RBMS3: variants seen among roughly 807,000 people sequenced by gnomAD.
The protein encoded by RBMS3 is RNA-binding motif, single-stranded-interacting protein 3.
Under a neutral mutation model 66.8 loss-of-function variants are expected in RBMS3, and 27 were observed. The observed-to-expected ratio is 0.40, with a 90% confidence interval of 0.30 to 0.56. RBMS3 has a LOEUF of 0.56. Ranked by LOEUF, RBMS3 falls within the 20% of genes least tolerant of loss-of-function variation. RBMS3 has a pLI of 0.40. For missense variants in RBMS3, 513 were observed against 549.5 expected (o/e 0.93, Z 0.66); for synonymous variants, 188 against 183.0 (o/e 1.03, Z -0.22).
chr3:29,593,715 G>GA (rs1216745428), intron 4 of RBMS3, among the ~76,000 whole-genome samples: 1 of 152,176 alleles, frequency 6.6e-6, no homozygotes, highest in Non-Finnish European at 1.5e-5. Flanking sequence ...ACTGAAGCAG[G>GA]AATCTCTCAT....
At chr3:29,781,704 C>T (rs1282880667) in intron 6 of RBMS3, among the ~76,000 whole-genome samples, 2 of 152,028 alleles carry the variant, frequency 1.3e-5, no homozygotes. Context: ...AGTCTGCTTG[C>T]TTTCTCAGTG....
intron 2 of RBMS3, among the ~76,000 whole-genome samples, chr3:29,440,198 G>GA (rs1250124115): frequency 2.0e-5 from 3 of 151,884 alleles, no homozygotes; most frequent in Non-Finnish European, 2.9e-5. Context: ...ATTTACAATG[G>GA]AAAAAAATCA....
intron 6 of RBMS3, among the ~76,000 whole-genome samples, chr3:29,768,259 A>G (rs926756629): frequency 2.0e-5 from 3 of 151,934 alleles, no homozygotes; most frequent in Non-Finnish European, 2.9e-5. Flanking sequence ...ATCATGGTCA[A>G]TGGAGTCTGA....
Position 29,587,129 on chromosome 3 carries a change from A to C in RBMS3, c.323A>C (p.Asp108Ala), listed in dbSNP as rs760978323. Reference sequence around the variant, plus strand: ...GTTTTCACAGGTTATGGTTTTGTAGATTTTGACAGTCCTGCAGCCGCACAG... The same window carrying C: ...GTTTTCACAGGTTATGGTTTTGTAGCTTTTGACAGTCCTGCAGCCGCACAG... ...TNQCKGYGFV[D>A]FDSPAAAQKA... The change falls in exon 4 of 15, where the codon GAT becomes GCT. Residue 108 changes from aspartate to alanine, a missense_variant. Physicochemically the swap from Asp to Ala is moderately radical, Grantham distance 126. Transcript: ENST00000383767. The C allele has an allele frequency of 6.2e-7, 1 of 1,604,972 alleles. No homozygotes were observed.
intron 13 of RBMS3, 103 bp downstream of exon 13, chr3:29,988,326 G>A: frequency 2.2e-6 from 2 of 898,900 alleles, no homozygotes; most frequent in Admixed American, 2.3e-5. Context: ...CAATTTTTGT[G>A]CTACTCTAAA....
intron 4 of RBMS3, among the ~76,000 whole-genome samples, chr3:29,675,807 G>A (rs1576496320): frequency 6.6e-6 from 1 of 151,262 alleles, no homozygotes; most frequent in Non-Finnish European, 1.5e-5. Context: ...TGGAGAAATA[G>A]CACTTTTACA....
intron 4 of RBMS3, among the ~76,000 whole-genome samples, chr3:29,693,798 TG>T (rs762504858): frequency 3.3e-5 from 5 of 152,226 alleles, no homozygotes; most frequent in Non-Finnish European, 7.3e-5. Flanking sequence ...GATTGATTTT[TG>T]TTCATCCTAA....
chr3:29,285,239 G>C (rs564958324), intron 1 of RBMS3, among the ~76,000 whole-genome samples: 6 of 136,202 alleles, frequency 4.4e-5, no homozygotes, highest in African/African-American at 1.6e-4. Context: ...GGGGTGGGGT[G>C]GGGGTGGGGG....
chr3:29,770,018 C>G (rs2056127099), intron 6 of RBMS3, among the ~76,000 whole-genome samples: 1 of 152,026 alleles, frequency 6.6e-6, no homozygotes, highest in East Asian at 1.9e-4. Flanking sequence ...TTTTCTAAGA[C>G]TGCTTTTCAA....
intron 1 of RBMS3, among the ~76,000 whole-genome samples, chr3:29,326,766 G>C (rs56059230): frequency 0.044 from 6,516 of 147,562 alleles, 185 homozygotes; most frequent in South Asian, 0.076. Flanking sequence ...GAGTCTCGCT[G>C]TGTCGCCAGG....
chr3:29,469,665 A>G (rs2042654627), intron 2 of RBMS3, among the ~76,000 whole-genome samples: 1 of 77,370 alleles, frequency 1.3e-5, no homozygotes, highest in Non-Finnish European at 2.5e-5. Context: ...AAACTAAACC[A>G]TATATATATA....
rs545132558 is a variant in RBMS3 at position 29,395,520 on chromosome 3, A to T, written c.76-39223A>T. The stretch of plus-strand genomic sequence containing the variant: ...TGCCAAAATGCTCTTAATGCTGGAG[A>T]GTGCTATGATGCTTCTCCATCATTG... On this transcript the variant is annotated intron_variant, in intron 1 of 14. Transcript: ENST00000383767. Among the ~76,000 whole-genome samples the T allele has an allele frequency of 5.3e-5, 8 of 152,320 alleles. No homozygotes were observed. The East Asian group carries it at 1.5e-3, about 29-fold the overall frequency.
chr3:29,775,203 A>T (rs1167040479), intron 6 of RBMS3, among the ~76,000 whole-genome samples: 1 of 151,774 alleles, frequency 6.6e-6, no homozygotes, highest in African/African-American at 2.4e-5. Flanking sequence ...TGGAGCAATT[A>T]AAAAATAAAT....
intron 3 of RBMS3, among the ~76,000 whole-genome samples, chr3:29,530,194 G>A (rs2045297402): frequency 6.6e-6 from 1 of 152,132 alleles, no homozygotes; most frequent in African/African-American, 2.4e-5. Flanking sequence ...TAGGCTGTTT[G>A]TCTGAGAAAT....
intron 4 of RBMS3, among the ~76,000 whole-genome samples, chr3:29,618,656 T>C (rs929776584): frequency 1.3e-5 from 2 of 152,140 alleles, no homozygotes; most frequent in African/African-American, 4.8e-5. Context: ...AATCAACTTT[T>C]TGACAGAAAA....
At chr3:29,314,028 T>G (rs1381708070) in intron 1 of RBMS3, among the ~76,000 whole-genome samples, 1 of 151,690 alleles carries the variant, frequency 6.6e-6, no homozygotes, top group African/African-American at 2.4e-5. Context: ...ATTTTCTTTC[T>G]TGGCTTTGTC....
At chr3:29,373,675 C>T (rs1263021253) in intron 1 of RBMS3, among the ~76,000 whole-genome samples, 1 of 152,130 alleles carries the variant, frequency 6.6e-6, no homozygotes, top group Non-Finnish European at 1.5e-5. Context: ...GTAATTGAGC[C>T]TTGAGGGATC....
intron 3 of RBMS3, among the ~76,000 whole-genome samples, chr3:29,507,012 T>TAAAAAA (rs3043394): frequency 6.9e-6 from 1 of 144,756 alleles, no homozygotes; most frequent in Non-Finnish European, 1.5e-5. Flanking sequence ...TTTGTTTGTT[T>TAAAAAA]AAAAAAAAAA....
At chr3:29,589,975 T>G (rs576589952) in intron 4 of RBMS3, among the ~76,000 whole-genome samples, 2 of 152,246 alleles carry the variant, frequency 1.3e-5, no homozygotes, top group Admixed American at 6.6e-5. Flanking sequence ...TCCAACTGAT[T>G]TGTCAACCAA....
Sources: gnomAD v4.1 joint callset for allele counts (sites outside exome capture counted in the v4.1 genomes callset) on GRCh38, gnomAD v4.1.1 for gene constraint, MANE v1.5 for transcripts, NCBI Gene and HGNC (gene_info 2026-07-23, HGNC 2026-07-21) for gene names.